Variants in TRERF1 observed in about 807,000 individuals in gnomAD.
TRERF1 encodes transcriptional-regulating factor 1.
TRERF1 carries 27 observed loss-of-function variants against 122.9 expected under a neutral mutation model. The observed-to-expected ratio is 0.22, with a 90% CI of 0.16 to 0.30. The LOEUF is 0.30. TRERF1 is among the 10% of genes least tolerant of loss of function. The pLI is 1.00. For missense variants in TRERF1, 1,248 were observed against 1,560.3 expected (o/e 0.80, Z 3.37); for synonymous variants, 636 against 641.7 (o/e 0.99, Z 0.13).
chr6:42,403,970 A>T (rs1376661610), intron 2 of TRERF1, among the ~76,000 whole-genome samples: 1 of 151,918 alleles, frequency 6.6e-6, no homozygotes, highest in Non-Finnish European at 1.5e-5. Flanking sequence ...CTTGCAGAGA[A>T]CCTAGCTCCC....
At chr6:42,398,677 G>C (rs1440648770) in intron 2 of TRERF1, among the ~76,000 whole-genome samples, 2 of 152,242 alleles carry the variant, frequency 1.3e-5, no homozygotes, top group African/African-American at 4.8e-5. Context: ...GTGCATGGCA[G>C]ATCAAGAAAG....
At chr6:42,372,956 G>C (rs1432559556) in intron 2 of TRERF1, among the ~76,000 whole-genome samples, 3 of 152,216 alleles carry the variant, frequency 2.0e-5, no homozygotes, top group African/African-American at 7.2e-5. Flanking sequence ...CCTCTGGCTA[G>C]CTGAGCAACT....
intron 2 of TRERF1, among the ~76,000 whole-genome samples, chr6:42,446,981 A>G (rs1787634717): frequency 6.6e-6 from 1 of 152,196 alleles, no homozygotes; most frequent in Non-Finnish European, 1.5e-5. Context: ...CTCCAGCCTG[A>G]GTGAGAGAGC....
At chr6:42,353,381 G>A (rs186443785) in intron 3 of TRERF1, among the ~76,000 whole-genome samples, 1 of 152,148 alleles carries the variant, frequency 6.6e-6, no homozygotes, top group Admixed American at 6.5e-5. Flanking sequence ...GAGGACAGGA[G>A]TTTGAGACCA....
Position 42,302,232 on chromosome 6 carries a change from T to C in TRERF1, c.-370-1483A>G, listed in dbSNP as rs1044032123. Among the ~76,000 whole-genome samples the C allele has an allele frequency of 3.3e-5, 5 of 152,186 alleles. No homozygotes were observed. In the East Asian group the frequency reaches 7.7e-4, roughly 23 times the overall value. On this transcript the variant is annotated intron_variant, in intron 3 of 17. Coordinates refer to ENST00000372922, the Ensembl canonical transcript of TRERF1. ...GCTGGTATGCATTCCTACTATTTAA[T>C]GCTATAAAATGATTTTTTTTTAAAT...
intron 2 of TRERF1, among the ~76,000 whole-genome samples, chr6:42,444,939 G>A (rs903359133): frequency 6.6e-6 from 1 of 152,070 alleles, no homozygotes; most frequent in Non-Finnish European, 1.5e-5. Flanking sequence ...TCACTCCACT[G>A]AAACTGTTCT....
At chr6:42,334,807 G>C (rs1321482550) in intron 3 of TRERF1, among the ~76,000 whole-genome samples, 1 of 152,254 alleles carries the variant, frequency 6.6e-6, no homozygotes, top group Non-Finnish European at 1.5e-5. Flanking sequence ...TCAAAGCTCT[G>C]AGTGAGCGGC....
At position 42,275,832 on chromosome 6, in the gene TRERF1, T is replaced by C. The variant is rs1781049560; in HGVS notation, c.-258-5984A>G. On this transcript the variant is annotated intron_variant, in intron 4 of 17. Coordinates refer to ENST00000372922, the Ensembl canonical transcript of TRERF1. The surrounding 1 kb of genome is among the most constrained non-coding windows in gnomAD (Gnocchi z 4.1). Reference sequence around the variant, plus strand: ...GGCCAGCTAGTAAATATTTTCAGCTTTGGGGCCCATACATATGGTTTCTGT... The same window carrying C: ...GGCCAGCTAGTAAATATTTTCAGCTCTGGGGCCCATACATATGGTTTCTGT... Among the ~76,000 whole-genome samples the C allele has an allele frequency of 1.3e-5, 2 of 152,192 alleles. No homozygotes were observed. Among genetic ancestry groups the C allele is most frequent in the African/African-American group, 2.4e-5 (1 of 41,442 alleles).
At chr6:42,412,701 G>A (rs1234175849) in intron 2 of TRERF1, among the ~76,000 whole-genome samples, 1 of 152,136 alleles carries the variant, frequency 6.6e-6, no homozygotes, top group Non-Finnish European at 1.5e-5. Flanking sequence ...GAGGCAGGAG[G>A]ATCACTTGAG....
intron 2 of TRERF1, among the ~76,000 whole-genome samples, chr6:42,392,094 G>A (rs916363368): frequency 6.6e-6 from 1 of 152,172 alleles, no homozygotes; most frequent in African/African-American, 2.4e-5. Context: ...TAGTAGATGT[G>A]TACACGTATA....
Position 42,268,325 on chromosome 6 carries a change from G to C in TRERF1, c.1266C>G (p.Ser422=). Residue 422 remains serine (S), a synonymous_variant, in exon 5 of 18, where the codon TCC becomes TCG. Coordinates refer to ENST00000372922, the Ensembl canonical transcript of TRERF1. This position sits in a 1 kb window ranked among gnomAD's most constrained non-coding sequence, Gnocchi z 4.4. ...TGTCAGGAGGCCCCAGGTCCCCATG[G>C]GAGCTCAGCATGGCCTGGGCCTGTC... is the stretch of plus-strand genomic sequence containing the variant. 6.6e-7 allele frequency: 1 copy of C among 1,516,670 alleles called. No individual in the cohort carries two copies. Among genetic ancestry groups the C allele is most frequent in the Non-Finnish European group, 8.8e-7 (1 of 1,133,602 alleles). 94.0% of individuals were successfully genotyped at this position (1,516,670 alleles called of 1,614,324 possible).
chr6:42,396,903 AC>A (rs1247386343), intron 2 of TRERF1, among the ~76,000 whole-genome samples: 1 of 152,094 alleles, frequency 6.6e-6, no homozygotes, highest in Non-Finnish European at 1.5e-5. Flanking sequence ...CCCTGTACAC[AC>A]CCATACACAC....
chr6:42,235,787 C>A (rs1164746266), intron 16 of TRERF1, among the ~76,000 whole-genome samples: 1 of 152,152 alleles, frequency 6.6e-6, no homozygotes, highest in Non-Finnish European at 1.5e-5. Context: ...GGAGGTAGGG[C>A]AAGTAATTAT....
intron 2 of TRERF1, among the ~76,000 whole-genome samples, chr6:42,441,113 C>T (rs1786434398): frequency 6.6e-6 from 1 of 152,178 alleles, no homozygotes; most frequent in South Asian, 2.1e-4. Flanking sequence ...AATGCTGTTC[C>T]CTCTGCACCC....
Position 42,232,840 on chromosome 6 carries a change from G to A in TRERF1, c.3119C>T (p.Thr1040Ile), listed in dbSNP as rs1322494385. The change falls in exon 17 of 18, where the codon ACC becomes ATC. Residue 1040 changes from threonine to isoleucine, a missense_variant. Thr to Ile is a moderately conservative substitution (Grantham distance 89). Coordinates refer to ENST00000372922, the Ensembl canonical transcript of TRERF1. This position sits in a 1 kb window ranked among gnomAD's most constrained non-coding sequence, Gnocchi z 4.5. ...ACCTCGGGCCTTGGTCACCTGGTTG[G>A]TGCCCCCGTGGATGCGGGCATGGCC... The A allele has an allele frequency of 3.1e-6, 5 of 1,611,688 alleles. No individual in the cohort carries two copies. Among genetic ancestry groups the A allele is most frequent in the Admixed American group, 3.4e-5 (2 of 59,666 alleles).
chr6:42,227,931 G>A (rs77649029), exon 18 of TRERF1: 2,160 of 157,468 alleles, frequency 0.014, 41 homozygotes, highest in African/African-American at 0.044. Context: ...AACGCTTGAT[G>A]GGAAAAGTTG....
chr6:42,318,082 A>G (rs1246072880), intron 3 of TRERF1, among the ~76,000 whole-genome samples: 1 of 151,224 alleles, frequency 6.6e-6, no homozygotes, highest in African/African-American at 2.4e-5. Flanking sequence ...TGAACTTGGG[A>G]GGTGGAGGTT....
intron 2 of TRERF1, among the ~76,000 whole-genome samples, chr6:42,417,220 G>C (rs771923638): frequency 1.3e-5 from 2 of 151,994 alleles, no homozygotes; most frequent in African/African-American, 4.8e-5. Context: ...GCTGAAACTC[G>C]CCTTACCTTC....
At chr6:42,261,906 A>T (rs900405648) in intron 8 of TRERF1, among the ~76,000 whole-genome samples, 1 of 152,006 alleles carries the variant, frequency 6.6e-6, no homozygotes, top group African/African-American at 2.4e-5. Context: ...TTGGCTACCC[A>T]GGTGTATTCT....
Sources: allele counts gnomAD v4.1 joint callset (sites outside exome capture counted in the v4.1 genomes callset), GRCh38; gene constraint gnomAD v4.1.1; non-coding constraint Gnocchi (gnomAD v3.1); transcripts MANE v1.5; gene names NCBI Gene and HGNC (gene_info 2026-07-23, HGNC 2026-07-21).